DYRK4: variants seen among roughly 807,000 people sequenced by gnomAD.
DYRK4 encodes the protein dual specificity tyrosine-phosphorylation-regulated kinase 4.
In DYRK4, 64 loss-of-function variants were observed where a neutral mutation model predicts 68.3. The ratio of observed to expected loss-of-function variants is 0.94; its 90% CI spans 0.77 to 1.15. DYRK4 has a LOEUF of 1.15. DYRK4 is among the 50% of genes most tolerant of loss of function. DYRK4 has a pLI of 0.00. For synonymous variants in DYRK4, 274 were observed against 289.9 expected (o/e 0.95, Z 0.56); for missense variants, 740 against 764.7 (o/e 0.97, Z 0.38).
chr12:4,597,139 T>C, intron 8 of DYRK4: 1 of 1,049,494 alleles, frequency 9.5e-7, no homozygotes, highest in Non-Finnish European at 1.1e-6. Flanking sequence ...GAGTGGGAAA[T>C]GGGTTTTGAT....
At chr12:4,610,814 T>C (rs1945212135) in intron 13 of DYRK4, among the ~76,000 whole-genome samples, 1 of 152,266 alleles carries the variant, frequency 6.6e-6, no homozygotes, top group Non-Finnish European at 1.5e-5. Flanking sequence ...TACAACTTTT[T>C]ATAATCTATA....
rs140648623 is a variant in DYRK4 at position 4,613,470 on chromosome 12, C to G, written c.1667-45C>G. The G allele has an allele frequency of 9.1e-4, 1,424 of 1,571,964 alleles. 14 individuals carry two copies. In the African/African-American group the frequency reaches 0.017, roughly 18 times the overall value. On this transcript the variant is annotated intron_variant, in intron 14 of 14. Transcript: ENST00000543431. The surrounding 1 kb of genome is among the most constrained non-coding windows in gnomAD (Gnocchi z 4.0). The stretch of plus-strand genomic sequence containing the variant: ...CCTAAAGGACAATTAACATATAATC[C>G]ACATTTGAATCTTGTTCCCTTCTGT...
At chr12:4,580,003 T>A (rs964935845) in intron 2 of DYRK4, among the ~76,000 whole-genome samples, 4 of 152,212 alleles carry the variant, frequency 2.6e-5, no homozygotes, top group African/African-American at 9.6e-5. Context: ...GTCACTTGGA[T>A]AATGTTTGCC....
chr12:4,589,449 C>T (rs575047454), intron 3 of DYRK4, among the ~76,000 whole-genome samples: 2 of 152,280 alleles, frequency 1.3e-5, no homozygotes, highest in South Asian at 4.1e-4. Flanking sequence ...TTTTTGTACC[C>T]ATTAACCATC....
intron 11 of DYRK4, among the ~76,000 whole-genome samples, chr12:4,606,811 T>C (rs571399971): frequency 2.0e-5 from 3 of 152,196 alleles, no homozygotes; most frequent in South Asian, 4.1e-4. Flanking sequence ...CAAGGGCAGG[T>C]GACCCACACT....
At position 4,613,571 on chromosome 12, in the gene DYRK4, C is replaced by T. The variant is rs1193543221; in HGVS notation, c.1723C>T (p.Gln575Ter). The T allele has an allele frequency of 1.2e-6, 2 of 1,614,094 alleles. No individual in the cohort carries two copies. The highest frequency in any genetic ancestry group is 8.5e-7 in the Non-Finnish European group (1 of 1,179,958). Residue 575 changes from glutamine (Q) to a stop codon, truncating the protein, a stop_gained, in exon 15 of 15, where the codon CAG becomes TAG. Coordinates refer to ENST00000543431, the MANE Select transcript of DYRK4 (RefSeq NM_001394779.1). LOFTEE classifies it low-confidence loss of function (END_TRUNC). The surrounding 1 kb of genome is among the most constrained non-coding windows in gnomAD (Gnocchi z 4.0). ...AAAAGATAGCCCCACGAAGCATGTT[C>T]AGCATTCAGGTGATCAGCAGGACTG... ...KTKDSPTKHVQHSGDQQDCLQ... is the reference protein window; with the variant it reads ...KTKDSPTKHV
At chr12:4,576,080 T>C (rs73257404) in intron 2 of DYRK4, among the ~76,000 whole-genome samples, 3,341 of 152,318 alleles carry the variant, frequency 0.022, 125 homozygotes, top group African/African-American at 0.074. Context: ...TTGTACATTC[T>C]AGGAGTCTGA....
intron 2 of DYRK4, chr12:4,573,371 C>G: frequency 1.6e-6 from 2 of 1,289,516 alleles, no homozygotes; most frequent in Non-Finnish European, 2.0e-6. Flanking sequence ...GTACCAGTTC[C>G]TTTGTTCTGC....
At chr12:4,601,672 G>A (rs1191885919) in intron 10 of DYRK4, among the ~76,000 whole-genome samples, 1 of 152,162 alleles carries the variant, frequency 6.6e-6, no homozygotes, top group Non-Finnish European at 1.5e-5. Flanking sequence ...AGATGAGCCT[G>A]GAAGAGCTTA....
chr12:4,590,234 T>C (rs1183012026), intron 3 of DYRK4, 96 bp from the exon 4 acceptor site: 86 of 1,452,422 alleles, frequency 5.9e-5, no homozygotes, highest in Non-Finnish European at 7.4e-5. Flanking sequence ...GGCTCATTCT[T>C]GTTGGGGAAT....
chr12:4,583,656 A>T (rs1348272792), intron 2 of DYRK4, among the ~76,000 whole-genome samples: 3 of 151,994 alleles, frequency 2.0e-5, no homozygotes, highest in African/African-American at 7.2e-5. Flanking sequence ...CGGCCTCCCA[A>T]AGTGCTGGGA....
At chr12:4,600,327 A>G (rs373531428) in intron 10 of DYRK4, among the ~76,000 whole-genome samples, 86 of 152,160 alleles carry the variant, frequency 5.7e-4, no homozygotes, top group African/African-American at 1.8e-3. Context: ...ACCATTCAAC[A>G]GACATTTGTG....
At chr12:4,562,739 CT>C (rs1389407955) in intron 1 of DYRK4, among the ~76,000 whole-genome samples, 7 of 152,252 alleles carry the variant, frequency 4.6e-5, no homozygotes, top group Non-Finnish European at 7.3e-5. Context: ...GCAGGCATTA[CT>C]CATGTTCCCA....
intron 10 of DYRK4, among the ~76,000 whole-genome samples, chr12:4,604,416 T>G (rs1945116328): frequency 6.6e-6 from 1 of 152,200 alleles, no homozygotes; most frequent in African/African-American, 2.4e-5. Flanking sequence ...TTTCTTCGAC[T>G]TCAGTCTGTT....
At chr12:4,569,539 T>C (rs1944710613) in intron 2 of DYRK4, among the ~76,000 whole-genome samples, 1 of 152,202 alleles carries the variant, frequency 6.6e-6, no homozygotes, top group South Asian at 2.1e-4. Flanking sequence ...GGGAAATTAA[T>C]ATACAAGCAA....
chr12:4,578,645 T>C (rs986809612), intron 2 of DYRK4, among the ~76,000 whole-genome samples: 2 of 152,212 alleles, frequency 1.3e-5, no homozygotes, highest in Admixed American at 6.5e-5. Flanking sequence ...TTCTGGTGTT[T>C]ATAGTTTTTG....
At chr12:4,590,046 T>G in intron 3 of DYRK4, 1 of 877,642 alleles carries the variant, frequency 1.1e-6, no homozygotes, top group Non-Finnish European at 1.4e-6. Context: ...CCCATGGTAG[T>G]GATGAAATAA....
In DYRK4 at chr12:4,610,202, A is replaced by T; in HGVS notation, c.1408A>T (p.Arg470Ter). Residue 470 changes from arginine to a stop codon, truncating the protein, a stop_gained, in exon 13 of 15, where the codon AGA becomes TGA. Transcript: ENST00000543431. LOFTEE classifies it high-confidence loss of function. ...KNITNNRGKK[R>*]YPDSKDLTMV... ...TATAACCAACAACAGGGGGAAAAAA[A>T]GATACCCAGATTCCAAGGACCTCAC... The T allele has an allele frequency of 6.2e-7, 1 of 1,601,960 alleles. No homozygotes were observed. Among genetic ancestry groups the T allele is most frequent in the Non-Finnish European group, 8.5e-7 (1 of 1,175,198 alleles).
intron 7 of DYRK4, 69 bp from the exon 8 acceptor site, chr12:4,596,520 G>A: frequency 6.4e-7 from 1 of 1,566,336 alleles, no homozygotes; most frequent in Non-Finnish European, 8.6e-7. Context: ...GCTGACTGCT[G>A]CAGCGGGACC....
Sources: gnomAD v4.1 joint callset for allele counts (sites outside exome capture counted in the v4.1 genomes callset) on GRCh38, gnomAD v4.1.1 for gene constraint, Gnocchi (gnomAD v3.1) non-coding constraint, MANE v1.5 for transcripts, NCBI Gene and HGNC (gene_info 2026-07-23, HGNC 2026-07-21) for gene names.